SNX24: variants seen among roughly 807,000 people sequenced by gnomAD.
SNX24 encodes sorting nexin 24, also known as sorting nexin-24.
Under a neutral mutation model 28.7 loss-of-function variants are expected in SNX24, and 22 were observed. The ratio of observed to expected loss-of-function variants is 0.77; its 90% CI spans 0.55 to 1.10. The LOEUF (loss-of-function observed/expected upper bound fraction) is 1.10. SNX24 is among the 50% of genes least tolerant of loss of function. SNX24 has a pLI of 0.00. For synonymous variants in SNX24, 69 were observed against 71.5 expected, an observed-to-expected ratio of 0.96 and a Z score of 0.18; for missense variants, 221 against 201.1, an observed-to-expected ratio of 1.10 and a Z score of -0.60.
chr5:122,941,100 C>T (rs1043115323), intron 2 of SNX24, among the ~76,000 whole-genome samples: 1 of 152,204 alleles, frequency 6.6e-6, no homozygotes, highest in East Asian at 1.9e-4. Flanking sequence ...GTACCAGATG[C>T]TATGACACCA....
intron 1 of SNX24, among the ~76,000 whole-genome samples, chr5:122,934,088 G>A (rs911923691): frequency 6.6e-6 from 1 of 152,084 alleles, no homozygotes; most frequent in Non-Finnish European, 1.5e-5. Context: ...GAATCCCAGA[G>A]CCTAGAACAA....
At chr5:122,890,396 C>T (rs1017048608) in intron 1 of SNX24, among the ~76,000 whole-genome samples, 3 of 151,598 alleles carry the variant, frequency 2.0e-5, no homozygotes, top group African/African-American at 7.3e-5. Context: ...AGTTTTTACT[C>T]TCTTGTTGGC....
intron 3 of SNX24, among the ~76,000 whole-genome samples, chr5:122,980,011 G>A (rs1761328118): frequency 6.6e-6 from 1 of 152,128 alleles, no homozygotes; most frequent in African/African-American, 2.4e-5. Context: ...AGGATAGGTA[G>A]GCTAACCTAC....
intron 1 of SNX24, among the ~76,000 whole-genome samples, chr5:122,926,659 T>TG (rs56344198): frequency 0.14 from 21,295 of 152,124 alleles, 1,775 homozygotes; most frequent in East Asian, 0.36. Flanking sequence ...GGGGAAGACT[T>TG]GGGGGTTTTG....
At chr5:122,906,459 A>G in intron 1 of SNX24, among the ~76,000 whole-genome samples, 1 of 152,236 alleles carries the variant, frequency 6.6e-6, no homozygotes, top group East Asian at 1.9e-4. Flanking sequence ...CTTGACATGC[A>G]TAATCTCATT....
Position 123,008,574 on chromosome 5 carries a change from A to AG in SNX24, c.*826dup, listed in dbSNP as rs1762492381. 6.5e-6 allele frequency: 1 copy of AG among 153,684 alleles called. No individual in the cohort carries two copies. Among genetic ancestry groups the AG allele is most frequent in the African/African-American group, 2.4e-5 (1 of 40,994 alleles). The allele number at this position is 153,684 out of a possible 1,614,324, so 9.5% of individuals were successfully genotyped here. On this transcript the variant is annotated 3_prime_UTR_variant, in exon 7 of 7. Transcript: ENST00000261369. ...ATTTTGTTAAAAAAAAAAAAAAAAA[A>AG]GCACATAACTTTTAACACTAGAATC...
intron 3 of SNX24, among the ~76,000 whole-genome samples, chr5:122,975,691 T>C (rs74836330): frequency 0.028 from 4,301 of 152,220 alleles, 76 homozygotes; most frequent in Middle Eastern, 0.054. Flanking sequence ...AATAAGAAAA[T>C]TGGCAGAATT....
At chr5:122,865,845 C>A (rs1334378539) in intron 1 of SNX24, among the ~76,000 whole-genome samples, 1 of 152,160 alleles carries the variant, frequency 6.6e-6, no homozygotes, top group African/African-American at 2.4e-5. Context: ...CATGATACAT[C>A]CATCCTATAA....
intron 3 of SNX24, among the ~76,000 whole-genome samples, chr5:122,952,069 T>C (rs1759967852): frequency 6.6e-6 from 1 of 152,256 alleles, no homozygotes; most frequent in South Asian, 2.1e-4. Flanking sequence ...TAAAACTACC[T>C]TCAAGCTATG....
chr5:122,956,523 A>G (rs1760224857), intron 3 of SNX24, among the ~76,000 whole-genome samples: 1 of 152,104 alleles, frequency 6.6e-6, no homozygotes, highest in African/African-American at 2.4e-5. Context: ...TCTCTTAGAG[A>G]TCCTGCTTTT....
chr5:122,924,992 CCT>C (rs1428758094), intron 1 of SNX24, among the ~76,000 whole-genome samples: 2 of 149,468 alleles, frequency 1.3e-5, no homozygotes, highest in African/African-American at 2.5e-5. Flanking sequence ...ACCCTTCTCC[CCT>C]CTTTCCCCTT....
chr5:122,907,611 AT>A (rs1435801123), intron 1 of SNX24, among the ~76,000 whole-genome samples: 1 of 152,042 alleles, frequency 6.6e-6, no homozygotes, highest in Non-Finnish European at 1.5e-5. Flanking sequence ...CTTTGCGGTC[AT>A]TTATCTACAC....
At chr5:122,895,258 G>A (rs1246696541) in intron 1 of SNX24, among the ~76,000 whole-genome samples, 1 of 152,008 alleles carries the variant, frequency 6.6e-6, no homozygotes, top group African/African-American at 2.4e-5. Flanking sequence ...AATAAACTTA[G>A]GGGATAGGTG....
chr5:122,851,034 A>G (rs187840004), intron 1 of SNX24, among the ~76,000 whole-genome samples: 3 of 152,308 alleles, frequency 2.0e-5, no homozygotes, highest in Admixed American at 2.0e-4. Context: ...ACTGAGAATA[A>G]TAGGTCTTGG....
At chr5:122,949,141 C>T (rs1759825422) in intron 3 of SNX24, among the ~76,000 whole-genome samples, 1 of 152,162 alleles carries the variant, frequency 6.6e-6, no homozygotes. Context: ...GAAACCCAAC[C>T]TGTTTTGGCA....
At position 122,977,076 on chromosome 5, in the gene SNX24, G is replaced by A. The variant is rs556385206; in HGVS notation, c.250-22836G>A. 4.6e-4 allele frequency among the ~76,000 whole-genome samples: 70 copies of A among 152,300 alleles called. No homozygotes were observed. In the South Asian group the frequency reaches 5.0e-3, roughly 11 times the overall value. The stretch of plus-strand genomic sequence containing the variant: ...TAGACAGGCATAGACCATACACTAG[G>A]AATGGTTATTTTGCTTTGAGATTCT... On this transcript the variant is annotated intron_variant, in intron 3 of 6. Coordinates refer to ENST00000261369, the MANE Select transcript of SNX24 (RefSeq NM_014035.4).
intron 3 of SNX24, among the ~76,000 whole-genome samples, chr5:122,985,109 T>C (rs1761543896): frequency 6.6e-6 from 1 of 152,212 alleles, no homozygotes; most frequent in African/African-American, 2.4e-5. Flanking sequence ...AAGATTTAGA[T>C]GAACAATGGC....
At chr5:122,977,081 G>T (rs1465594784) in intron 3 of SNX24, among the ~76,000 whole-genome samples, 1 of 152,122 alleles carries the variant, frequency 6.6e-6, no homozygotes, top group Non-Finnish European at 1.5e-5. Context: ...ACTAGGAATG[G>T]TTATTTTGCT....
intron 1 of SNX24, among the ~76,000 whole-genome samples, chr5:122,867,858 C>T (rs1223541907): frequency 6.6e-6 from 1 of 152,190 alleles, no homozygotes; most frequent in African/African-American, 2.4e-5. Context: ...AGTCGTATTC[C>T]TTCCAAGTCC....
Sources: gnomAD v4.1 joint callset for allele counts (sites outside exome capture counted in the v4.1 genomes callset) on GRCh38, gnomAD v4.1.1 for gene constraint, MANE v1.5 for transcripts, NCBI Gene and HGNC (gene_info 2026-07-23, HGNC 2026-07-21) for gene names.